Variants in AXDND1 observed in about 807,000 individuals in gnomAD.
AXDND1 encodes the protein axonemal dynein light chain domain-containing protein 1.
AXDND1 carries 110 observed loss-of-function variants against 137.5 expected under a neutral mutation model. The ratio of observed to expected loss-of-function variants is 0.80; its 90% confidence interval spans 0.69 to 0.94. The LOEUF is 0.94. Ranked by LOEUF, AXDND1 falls within the 40% of genes least tolerant of loss-of-function variation. AXDND1 has a pLI of 0.00. For synonymous variants in AXDND1, 414 were observed against 399.7 expected (o/e 1.04, Z -0.43); for missense variants, 1,191 against 1,169.8 (o/e 1.02, Z -0.26).
At chr1:179,396,161 T>G (rs1421840564) in intron 11 of AXDND1, among the ~76,000 whole-genome samples, 2 of 146,306 alleles carry the variant, frequency 1.4e-5, no homozygotes, top group Non-Finnish European at 1.5e-5. Context: ...AGAGTGAGAT[T>G]CTGTCCCATA....
Position 179,534,564 on chromosome 1 carries a change from C to A in AXDND1, c.2799-166C>A, listed in dbSNP as rs139419643. ...ACTCTGACATTAGCATTCAGAGTCG[C>A]TCCTGGGCCCCCAGTTCTCAGTTAA... On this transcript the variant is annotated intron_variant, in intron 24 of 25. Coordinates refer to ENST00000367618, the MANE Select transcript of AXDND1 (RefSeq NM_144696.6). 1.3e-5 allele frequency: 10 copies of A among 773,276 alleles called. No homozygotes were observed. The African/African-American group carries it at 1.6e-4, about 12-fold the overall frequency. 47.9% of individuals were successfully genotyped at this position (773,276 alleles called of 1,614,324 possible).
At chr1:179,416,528 C>G (rs556151335) in intron 12 of AXDND1, among the ~76,000 whole-genome samples, 1 of 152,130 alleles carries the variant, frequency 6.6e-6, no homozygotes, top group Non-Finnish European at 1.5e-5. Context: ...AATTTACATT[C>G]CCACCAACAG....
intron 25 of AXDND1, among the ~76,000 whole-genome samples, chr1:179,541,254 G>T (rs997585304): frequency 2.0e-5 from 3 of 152,206 alleles, no homozygotes; most frequent in African/African-American, 7.2e-5. Context: ...CCTTGGCTAG[G>T]AAAGGGAAAT....
chr1:179,540,118 T>G (rs959515046), intron 25 of AXDND1, among the ~76,000 whole-genome samples: 1 of 152,088 alleles, frequency 6.6e-6, no homozygotes, highest in African/African-American at 2.4e-5. Context: ...GTTTTTAGCT[T>G]CCTTGAGATG....
intron 16 of AXDND1, among the ~76,000 whole-genome samples, chr1:179,462,790 CA>C (rs1377645204): frequency 6.6e-6 from 1 of 152,124 alleles, no homozygotes; most frequent in Non-Finnish European, 1.5e-5. Context: ...ATTATTGCCT[CA>C]ATTTCAGAAC....
chr1:179,465,890 T>C (rs12131129), intron 16 of AXDND1, among the ~76,000 whole-genome samples: 25,488 of 152,020 alleles, frequency 0.17, 2,489 homozygotes, highest in East Asian at 0.35. Context: ...TAGCAGTGAG[T>C]GAGTCTCTGT....
At chr1:179,417,126 G>A (rs1401327062) in intron 12 of AXDND1, among the ~76,000 whole-genome samples, 1 of 148,674 alleles carries the variant, frequency 6.7e-6, no homozygotes, top group Non-Finnish European at 1.5e-5. Flanking sequence ...TTTGCCATTT[G>A]TATGTCTTCT....
chr1:179,514,551 G>A (rs992065199), intron 21 of AXDND1, among the ~76,000 whole-genome samples: 1 of 152,030 alleles, frequency 6.6e-6, no homozygotes, highest in Non-Finnish European at 1.5e-5. Context: ...GGTTGTTGGA[G>A]AAAATGTTTT....
intron 11 of AXDND1, among the ~76,000 whole-genome samples, chr1:179,397,620 T>G (rs1380624843): frequency 6.6e-6 from 1 of 152,210 alleles, no homozygotes; most frequent in African/African-American, 2.4e-5. Flanking sequence ...TTCAGGGACA[T>G]CAATGAGTCA....
chr1:179,421,035 CCCTTCCTTCCTTCCTTCCTTCCTT>C (rs143579938), intron 12 of AXDND1, among the ~76,000 whole-genome samples: 3,759 of 134,780 alleles, frequency 0.028, 142 homozygotes, highest in African/African-American at 0.089. Context: ...ATTTGGGTAT[CCCTTCCTTCCTTCCTTCCTTCCTT>C]CCTTCCTTCC....
intron 17 of AXDND1, among the ~76,000 whole-genome samples, chr1:179,479,433 C>T (rs189469509): frequency 6.9e-6 from 1 of 144,014 alleles, no homozygotes; most frequent in African/African-American, 2.6e-5. Context: ...TGAGACTATG[C>T]CATTGCACTC....
At chr1:179,551,727 G>T in intron 25 of AXDND1, 1 of 441,428 alleles carries the variant, frequency 2.3e-6, no homozygotes, top group Non-Finnish European at 4.1e-6. Flanking sequence ...TGAAAGATTA[G>T]GATTTTGCCA....
chr1:179,369,103 G>A lies in AXDND1; in HGVS notation c.270+131G>A, dbSNP rs1171399880. The A allele has an allele frequency of 8.5e-6, 8 of 943,420 alleles. No individual in the cohort carries two copies. In the South Asian group the frequency reaches 1.6e-4, roughly 18 times the overall value. The allele number at this position is 943,420 out of a possible 1,614,324, so 58.4% of individuals were successfully genotyped here. ...AAATTTTAAGATTGATTGAGACAGG[G>A]TCTTACTACTGTGGCCCAGGCTGGA... is the stretch of plus-strand genomic sequence containing the variant. On this transcript the variant is annotated intron_variant, in intron 3 of 25. Transcript: ENST00000367618.
chr1:179,388,351 G>A (rs59949433), intron 9 of AXDND1, among the ~76,000 whole-genome samples: 10,962 of 152,242 alleles, frequency 0.072, 525 homozygotes, highest in Non-Finnish European at 0.098. Context: ...GAAATTATCA[G>A]TGATGATCTT....
At chr1:179,475,751 A>T (rs1374478694) in intron 17 of AXDND1, among the ~76,000 whole-genome samples, 1 of 152,156 alleles carries the variant, frequency 6.6e-6, no homozygotes, top group East Asian at 1.9e-4. Context: ...GGGAAGGCAT[A>T]ATTGGTTTTG....
At chr1:179,485,697 G>A (rs1665955400) in intron 18 of AXDND1, among the ~76,000 whole-genome samples, 1 of 151,782 alleles carries the variant, frequency 6.6e-6, no homozygotes, top group African/African-American at 2.4e-5. Context: ...AGGCTGACAT[G>A]ACAGAAATAG....
Position 179,482,336 on chromosome 1 carries a change from A to G in AXDND1, c.1998-792A>G, listed in dbSNP as rs143849835. 4.0e-3 allele frequency among the ~76,000 whole-genome samples: 614 copies of G among 152,178 alleles called. 7 individuals are homozygous for G. Among genetic ancestry groups the G allele is most frequent in the East Asian group, 0.016 (84 of 5,180 alleles). On this transcript the variant is annotated intron_variant, in intron 17 of 25. Transcript: ENST00000367618. ...AGACAATCAGGGACCCATGATTCTC[A>G]GCATGCTATGCATAGGGTAGAGTAT... is the stretch of plus-strand genomic sequence containing the variant.
At chr1:179,516,168 CT>C (rs1443721385) in intron 21 of AXDND1, among the ~76,000 whole-genome samples, 1 of 151,856 alleles carries the variant, frequency 6.6e-6, no homozygotes, top group African/African-American at 2.4e-5. Flanking sequence ...TTTTCTTTGT[CT>C]TTGTTGGATT....
intron 11 of AXDND1, among the ~76,000 whole-genome samples, chr1:179,401,465 A>T (rs548688648): frequency 1.3e-5 from 2 of 152,262 alleles, no homozygotes; most frequent in African/African-American, 2.4e-5. Flanking sequence ...TAAAAAATTG[A>T]TTGAAGAGTG....
Sources: gnomAD v4.1 joint callset for allele counts (sites outside exome capture counted in the v4.1 genomes callset) on GRCh38, gnomAD v4.1.1 for gene constraint, MANE v1.5 for transcripts, NCBI Gene and HGNC (gene_info 2026-07-23, HGNC 2026-07-21) for gene names.